The following SYNPO2 variants were observed in gnomAD, a reference collection of about 807,000 sequenced individuals.
The protein encoded by SYNPO2 is synaptopodin-2.
A neutral mutation model predicts 85.0 loss-of-function variants in SYNPO2; 56 were observed. That is an observed-to-expected ratio of 0.66 (90% CI 0.53 to 0.82). The LOEUF is 0.82. SYNPO2 is among the 40% of genes least tolerant of loss of function. The pLI, the probability that SYNPO2 is intolerant of heterozygous loss-of-function variation, is 0.00. For synonymous variants in SYNPO2, 602 were observed against 591.1 expected, an observed-to-expected ratio of 1.02 and a Z score of -0.27; for missense variants, 1,575 against 1,534.2, an observed-to-expected ratio of 1.03 and a Z score of -0.44.
Position 119,031,088 on chromosome 4 carries a change from A to T in SYNPO2, c.2313A>T (p.Gln771His). The change falls in exon 4 of 5, where the codon CAA becomes CAT. Residue 771 changes from glutamine (Q) to histidine (H), a missense_variant. By Grantham distance (24) the Gln-to-His change is conservative. Transcript: ENST00000307142. ...PKPAVKSSSS[Q>H]PVTPVSPVWS... ...CTGCAGTCAAGTCCTCATCCTCCCA[A>T]CCAGTAACTCCAGTTTCCCCAGTCT... is the stretch of plus-strand genomic sequence containing the variant. The T allele has an allele frequency of 6.2e-7, 1 of 1,613,928 alleles. No individual in the cohort carries two copies. The highest frequency in any genetic ancestry group is 8.5e-7 in the Non-Finnish European group (1 of 1,179,944).
At chr4:118,977,356 C>A (rs916122945) in intron 1 of SYNPO2, among the ~76,000 whole-genome samples, 5 of 152,230 alleles carry the variant, frequency 3.3e-5, no homozygotes, top group Non-Finnish European at 7.3e-5. Flanking sequence ...CGGGGCCTGC[C>A]AACCCCACGC....
intron 1 of SYNPO2, among the ~76,000 whole-genome samples, chr4:119,016,646 C>T (rs1169535377): frequency 6.6e-6 from 1 of 152,112 alleles, no homozygotes; most frequent in Admixed American, 6.5e-5. Context: ...CATGATTTAT[C>T]CAGCAAAAAG....
At chr4:119,051,353 C>A (rs1248086062) in intron 4 of SYNPO2, among the ~76,000 whole-genome samples, 1 of 149,726 alleles carries the variant, frequency 6.7e-6, no homozygotes, top group Non-Finnish European at 1.5e-5. Flanking sequence ...CTACGCCCGG[C>A]TAATTTTTTG....
chr4:118,916,767 C>T (rs1427866975), intron 1 of SYNPO2, among the ~76,000 whole-genome samples: 10 of 128,054 alleles, frequency 7.8e-5, no homozygotes, highest in Non-Finnish European at 1.6e-4. Flanking sequence ...GGGTCTTACT[C>T]TGTCCCCCGG....
intron 1 of SYNPO2, among the ~76,000 whole-genome samples, chr4:118,879,629 G>A (rs1374667408): frequency 2.6e-5 from 4 of 152,138 alleles, no homozygotes; most frequent in Admixed American, 6.5e-5. Context: ...CATTTTTGTG[G>A]TTTAAATCGC....
At chr4:118,894,452 T>A (rs779643146) in intron 1 of SYNPO2, among the ~76,000 whole-genome samples, 1 of 151,988 alleles carries the variant, frequency 6.6e-6, no homozygotes, top group African/African-American at 2.4e-5. Flanking sequence ...GAGGGGAGAC[T>A]AGCAGTTTAT....
intron 4 of SYNPO2, among the ~76,000 whole-genome samples, chr4:119,055,165 T>A (rs147928919): frequency 0.021 from 3,238 of 152,050 alleles, 85 homozygotes; most frequent in African/African-American, 0.065. Flanking sequence ...TTATTTTTTT[T>A]TTTTGAGACA....
intron 1 of SYNPO2, among the ~76,000 whole-genome samples, chr4:119,014,839 C>T (rs551639331): frequency 1.3e-5 from 2 of 152,282 alleles, no homozygotes; most frequent in South Asian, 2.1e-4. Flanking sequence ...GCTCCTGCAC[C>T]AGACAGTTTT....
chr4:119,029,181 T>C (rs1738104861), intron 3 of SYNPO2, among the ~76,000 whole-genome samples: 1 of 152,072 alleles, frequency 6.6e-6, no homozygotes, highest in Non-Finnish European at 1.5e-5. Context: ...TTTACAATAA[T>C]GTCATATTTT....
At position 119,059,890 on chromosome 4, in the gene SYNPO2, T is replaced by C. The variant is rs930727684; in HGVS notation, c.*1956T>C. ...TATCTTAAATTATCAAGGTGTAAGA[T>C]GTAATGATCCCAAGAGTTTTTATAG... On this transcript the variant is annotated 3_prime_UTR_variant, in exon 5 of 5. Coordinates refer to ENST00000307142, the MANE Select transcript of SYNPO2 (RefSeq NM_133477.3). 1 of 152,192 alleles carries C rather than the reference T, an allele frequency of 6.6e-6. No individual in the cohort carries two copies. The highest frequency in any genetic ancestry group is 2.4e-5 in the African/African-American group (1 of 41,466). The allele number at this position is 152,192 out of a possible 1,614,324, so 9.4% of individuals were successfully genotyped here. A position where few individuals can be genotyped will look rare whatever the true frequency, so the allele number is the denominator to read the frequency against.
intron 1 of SYNPO2, among the ~76,000 whole-genome samples, chr4:118,974,089 T>C (rs981599339): frequency 2.6e-5 from 4 of 152,238 alleles, no homozygotes; most frequent in Admixed American, 1.3e-4. Context: ...GAGTTAAACA[T>C]AGCTAAATAT....
At chr4:118,853,724 T>G (rs1292062546) in intron 1 of SYNPO2, among the ~76,000 whole-genome samples, 1 of 152,142 alleles carries the variant, frequency 6.6e-6, no homozygotes, top group Non-Finnish European at 1.5e-5. Flanking sequence ...TCAACATCAT[T>G]GCCTCCTACA....
At chr4:118,884,036 C>T (rs1163542655), upstream of SYNPO2, among the ~76,000 whole-genome samples, 1 of 152,178 alleles carries the variant, frequency 6.6e-6, no homozygotes, top group Admixed American at 6.5e-5. Flanking sequence ...CAATATGACC[C>T]AGATGGATGC....
intron 4 of SYNPO2, chr4:119,036,371 C>G: frequency 1.0e-6 from 1 of 985,402 alleles, no homozygotes; most frequent in Non-Finnish European, 1.2e-6. Context: ...AAACATGACC[C>G]TCGCTGGTCT....
At chr4:118,869,281 C>G (rs1731758525) in intron 1 of SYNPO2, among the ~76,000 whole-genome samples, 1 of 152,118 alleles carries the variant, frequency 6.6e-6, no homozygotes, top group Admixed American at 6.5e-5. Flanking sequence ...TGGTCTCAAA[C>G]TCTTCACCTC....
At chr4:119,012,733 T>C (rs1219424149) in intron 1 of SYNPO2, among the ~76,000 whole-genome samples, 1 of 152,218 alleles carries the variant, frequency 6.6e-6, no homozygotes, top group Non-Finnish European at 1.5e-5. Flanking sequence ...TAACTCCTTC[T>C]TTTTTAGGGT....
At chr4:118,923,398 T>C (rs1389243503) in intron 1 of SYNPO2, among the ~76,000 whole-genome samples, 2 of 151,888 alleles carry the variant, frequency 1.3e-5, no homozygotes, top group African/African-American at 4.8e-5. Flanking sequence ...TATTTGAGGA[T>C]GGATTGGGGA....
At chr4:118,969,802 T>C (rs986484829) in intron 1 of SYNPO2, among the ~76,000 whole-genome samples, 3 of 151,978 alleles carry the variant, frequency 2.0e-5, no homozygotes, top group African/African-American at 4.8e-5. Flanking sequence ...ATATCAGTTA[T>C]TGTTTAAAAC....
intron 1 of SYNPO2, among the ~76,000 whole-genome samples, chr4:118,910,951 A>C (rs1733115711): frequency 6.6e-6 from 1 of 152,124 alleles, no homozygotes; most frequent in African/African-American, 2.4e-5. Flanking sequence ...ATGCCTGTGC[A>C]GTTGGTGCTT....
Sources: allele counts gnomAD v4.1 joint callset (sites outside exome capture counted in the v4.1 genomes callset), GRCh38; gene constraint gnomAD v4.1.1; transcripts MANE v1.5; gene names NCBI Gene and HGNC (gene_info 2026-07-23, HGNC 2026-07-21).